Variants in ADAMTS12 observed in about 807,000 individuals in gnomAD.
ADAMTS12 encodes ADAM metallopeptidase with thrombospondin type 1 motif 12, also known as A disintegrin and metalloproteinase with thrombospondin motifs 12.
In ADAMTS12, 118 loss-of-function variants were observed where a neutral mutation model predicts 167.8. The observed-to-expected ratio is 0.70, with a 90% CI of 0.61 to 0.82. The LOEUF is 0.82. Ranked by LOEUF, ADAMTS12 falls within the 40% of genes least tolerant of loss-of-function variation. The pLI is 0.00. For synonymous variants in ADAMTS12, 704 were observed against 716.9 expected, an observed-to-expected ratio of 0.98 and a Z score of 0.29; for missense variants, 1,916 against 1,998.8, an observed-to-expected ratio of 0.96 and a Z score of 0.79.
chr5:33,761,387 C>T (rs1328999399), intron 2 of ADAMTS12, among the ~76,000 whole-genome samples: 3 of 152,166 alleles, frequency 2.0e-5, no homozygotes, highest in Non-Finnish European at 4.4e-5. Context: ...ACACAGCATT[C>T]CAGGGATGTT....
chr5:33,538,749 A>G (rs536656032), intron 22 of ADAMTS12, among the ~76,000 whole-genome samples: 7 of 152,120 alleles, frequency 4.6e-5, no homozygotes, highest in Non-Finnish European at 1.0e-4. Flanking sequence ...AGGTAAGATA[A>G]TCAGTCTAGT....
Position 33,576,839 on chromosome 5 carries a change from C to T in ADAMTS12, c.3187G>A (p.Gly1063Ser). ...GAGCTATCTTGCCACTGTTTCCCAC[C>T]CAGGTCTCCTTCTTTGGAGGCTGTG... is the stretch of plus-strand genomic sequence containing the variant. ...PTTASKEGDLGGKQWQDSSTQ... is the reference protein window; with the variant it reads ...PTTASKEGDLSGKQWQDSSTQ... Residue 1063 changes from glycine (G) to serine (S), a missense_variant, in exon 19 of 24, where the codon GGT (glycine) becomes AGT (serine). Transcript: ENST00000504830. The T allele has an allele frequency of 6.2e-7, 1 of 1,614,192 alleles. No individual in the cohort carries two copies.
At chr5:33,531,260 T>A (rs1176907506) in intron 23 of ADAMTS12, among the ~76,000 whole-genome samples, 2 of 152,256 alleles carry the variant, frequency 1.3e-5, no homozygotes, top group Non-Finnish European at 2.9e-5. Flanking sequence ...ACTGTGAGAA[T>A]AGATTTCTGT....
chr5:33,689,479 C>T (rs1742473671), intron 3 of ADAMTS12, among the ~76,000 whole-genome samples: 1 of 151,976 alleles, frequency 6.6e-6, no homozygotes, highest in African/African-American at 2.4e-5. Flanking sequence ...CCTCCAGGTC[C>T]CCACCAGTCT....
At chr5:33,603,134 G>A (rs866490053) in intron 16 of ADAMTS12, among the ~76,000 whole-genome samples, 1 of 152,334 alleles carries the variant, frequency 6.6e-6, no homozygotes, top group African/African-American at 2.4e-5. Flanking sequence ...ACGTTCAGAA[G>A]TGAGGAGCTA....
chr5:33,552,741 T>C (rs935527695), intron 20 of ADAMTS12, among the ~76,000 whole-genome samples: 11 of 152,244 alleles, frequency 7.2e-5, no homozygotes, highest in Non-Finnish European at 1.3e-4. Context: ...GTCTGTTTTT[T>C]ACCAGTACCA....
chr5:33,543,540 G>C (rs927124934), intron 22 of ADAMTS12, among the ~76,000 whole-genome samples: 2 of 152,118 alleles, frequency 1.3e-5, no homozygotes, highest in African/African-American at 2.4e-5. Flanking sequence ...TGATACCAAA[G>C]CCTGGCAGAG....
chr5:33,891,547 C>T (rs967126034), intron 1 of ADAMTS12, 183 bp downstream of exon 1: 13 of 795,794 alleles, frequency 1.6e-5, no homozygotes, highest in Middle Eastern at 3.7e-4. Context: ...GACTCATCAC[C>T]TTAAGCACTG....
chr5:33,624,080 C>T (rs1218834510), intron 14 of ADAMTS12, 151 bp downstream of exon 14: 4 of 1,225,200 alleles, frequency 3.3e-6, no homozygotes, highest in Non-Finnish European at 4.5e-6. Flanking sequence ...AACCCTTCCT[C>T]CTTTGTGGTA....
At chr5:33,603,281 T>A (rs1045072213) in intron 16 of ADAMTS12, among the ~76,000 whole-genome samples, 1 of 152,186 alleles carries the variant, frequency 6.6e-6, no homozygotes, top group African/African-American at 2.4e-5. Flanking sequence ...GATCCTGAGC[T>A]TTTGCCCAAA....
chr5:33,891,038 T>C (rs1211446533), intron 1 of ADAMTS12, among the ~76,000 whole-genome samples: 3 of 152,164 alleles, frequency 2.0e-5, no homozygotes, highest in Admixed American at 6.5e-5. Context: ...AACTGCTGAC[T>C]GTTAGGCTTA....
At chr5:33,729,905 G>C (rs1409793543) in intron 3 of ADAMTS12, among the ~76,000 whole-genome samples, 1 of 152,252 alleles carries the variant, frequency 6.6e-6, no homozygotes, top group African/African-American at 2.4e-5. Context: ...CTGATACACA[G>C]CATGTGGCTT....
chr5:33,641,792 A>G lies in ADAMTS12; in HGVS notation c.1718+18T>C, dbSNP rs1426385321. The G allele has an allele frequency of 1.8e-5, 28 of 1,584,062 alleles. No homozygotes were observed. The highest frequency in any genetic ancestry group is 2.2e-5 in the Non-Finnish European group (26 of 1,160,246). ...CAGCACATGTGGAGAGAAGGGAAAT[A>G]TATTTATCTGGACTCACTCGGGGTT... is the stretch of plus-strand genomic sequence containing the variant. On this transcript the variant is annotated intron_variant, in intron 11 of 23. Coordinates refer to ENST00000504830, the MANE Select transcript of ADAMTS12 (RefSeq NM_030955.4).
chr5:33,583,351 C>A (rs901774790), intron 18 of ADAMTS12, among the ~76,000 whole-genome samples: 4 of 152,298 alleles, frequency 2.6e-5, no homozygotes, highest in East Asian at 1.9e-4. Flanking sequence ...GAATAGTACT[C>A]CACCATGCAT....
chr5:33,719,803 C>CA (rs1193939500), intron 3 of ADAMTS12, among the ~76,000 whole-genome samples: 4 of 152,326 alleles, frequency 2.6e-5, no homozygotes, highest in African/African-American at 9.6e-5. Context: ...AGCGAAGTTA[C>CA]TATAACAGAT....
At chr5:33,533,689 C>G (rs1476275958) in intron 23 of ADAMTS12, among the ~76,000 whole-genome samples, 1 of 152,198 alleles carries the variant, frequency 6.6e-6, no homozygotes, top group Non-Finnish European at 1.5e-5. Flanking sequence ...AAAGCATTTC[C>G]TCGCTCAGTG....
intron 16 of ADAMTS12, among the ~76,000 whole-genome samples, chr5:33,601,785 C>G (rs889364950): frequency 6.6e-6 from 1 of 152,170 alleles, no homozygotes; most frequent in Non-Finnish European, 1.5e-5. Context: ...TACTTTTTCT[C>G]TCCCTGAAAT....
At chr5:33,646,383 G>C (rs1740664130) in intron 9 of ADAMTS12, among the ~76,000 whole-genome samples, 1 of 152,188 alleles carries the variant, frequency 6.6e-6, no homozygotes, top group Admixed American at 6.5e-5. Context: ...TGGAGACAAT[G>C]TGTAGGGCCT....
chr5:33,811,674 CT>C (rs1747467391), intron 2 of ADAMTS12, among the ~76,000 whole-genome samples: 2 of 152,176 alleles, frequency 1.3e-5, no homozygotes, highest in Admixed American at 1.3e-4. Flanking sequence ...GACTTTTACT[CT>C]GAGTGAGATG....
Sources: allele counts gnomAD v4.1 joint callset (sites outside exome capture counted in the v4.1 genomes callset), GRCh38; gene constraint gnomAD v4.1.1; transcripts MANE v1.5; gene names NCBI Gene and HGNC (gene_info 2026-07-23, HGNC 2026-07-21).